ICA1: variants seen among roughly 807,000 people sequenced by gnomAD.
ICA1 encodes the protein islet cell autoantigen 1, also known as 69 kDa islet cell autoantigen.
In ICA1, 40 loss-of-function variants were observed where a neutral mutation model predicts 71.0. That is an observed-to-expected ratio of 0.56 (90% confidence interval 0.44 to 0.73). The LOEUF is 0.73. Ranked by LOEUF, ICA1 falls within the 30% of genes least tolerant of loss-of-function variation. ICA1 has a pLI of 0.00. For synonymous variants in ICA1, 207 were observed against 209.5 expected, an observed-to-expected ratio of 0.99 and a Z score of 0.10; for missense variants, 578 against 576.5, an observed-to-expected ratio of 1.00 and a Z score of -0.03.
intron 6 of ICA1, among the ~76,000 whole-genome samples, chr7:8,196,177 A>T (rs1231549018): frequency 1.3e-5 from 2 of 152,228 alleles, no homozygotes; most frequent in Non-Finnish European, 2.9e-5. Context: ...TTTAGTACTA[A>T]AAGGAAATAA....
At chr7:8,219,025 G>C (rs989013967) in intron 5 of ICA1, 3 of 174,440 alleles carry the variant, frequency 1.7e-5, no homozygotes, top group Admixed American at 1.6e-4. Context: ...AGGGGGACCA[G>C]CACATTTACT....
chr7:8,222,653 G>C lies in ICA1; in HGVS notation c.257-1255C>G, dbSNP rs1477374094. 6.6e-6 allele frequency among the ~76,000 whole-genome samples: 1 copy of C among 152,174 alleles called. No homozygotes were observed. The highest frequency in any genetic ancestry group is 1.5e-5 in the Non-Finnish European group (1 of 68,044). ...ATAGTTTCACCCTAAACATTCCCTT[G>C]GGAAGGCCCAGTCAAGAAGAGGCTT... On this transcript the variant is annotated intron_variant, in intron 4 of 13. Transcript: ENST00000402384. This position sits in a 1 kb window ranked among gnomAD's most constrained non-coding sequence, Gnocchi z 4.8.
chr7:8,256,482 A>G (rs1323252985), intron 1 of ICA1, among the ~76,000 whole-genome samples: 3 of 151,888 alleles, frequency 2.0e-5, no homozygotes, highest in African/African-American at 4.8e-5. Context: ...GATTCTTTCC[A>G]CTTGGAATGC....
intron 13 of ICA1, among the ~76,000 whole-genome samples, chr7:8,115,395 G>T (rs191239530): frequency 6.6e-6 from 1 of 152,148 alleles, no homozygotes; most frequent in African/African-American, 2.4e-5. Flanking sequence ...TACTGATTTC[G>T]CTGGATTAGC....
At position 8,232,734 on chromosome 7, in the gene ICA1, C is replaced by G; in HGVS notation, c.39G>C (p.Gln13His). 1 of 1,601,570 alleles carries G rather than the reference C, an allele frequency of 6.2e-7. No individual in the cohort carries two copies. The highest frequency in any genetic ancestry group is 8.5e-7 in the Non-Finnish European group (1 of 1,174,456). Residue 13 changes from glutamine (Q) to histidine (H), a missense_variant, in exon 3 of 14, where the codon CAG becomes CAC. Physicochemically the swap from Gln to His is conservative, Grantham distance 24 (BLOSUM62 0). Coordinates refer to ENST00000402384, the MANE Select transcript of ICA1 (RefSeq NM_001136020.3). ...GHKCSYPWDL[Q>H]DRYAQDKSVV... is the part of the protein sequence containing the mutation. ...CTGACTTATCTTGAGCATATCGATC[C>G]TGTAAGTCCCAGGGATAACTGCTAA...
chr7:8,124,419 G>A (rs1432723786), intron 13 of ICA1, among the ~76,000 whole-genome samples: 3 of 149,578 alleles, frequency 2.0e-5, no homozygotes, highest in South Asian at 2.1e-4. Context: ...GCGCCCAGCC[G>A]TGTATAGGTA....
chr7:8,246,325 G>A (rs2128506187), intron 1 of ICA1, among the ~76,000 whole-genome samples: 1 of 152,354 alleles, frequency 6.6e-6, no homozygotes, highest in Non-Finnish European at 1.5e-5. Context: ...CAAAGAAGCA[G>A]AGGCCCAAGG....
At chr7:8,205,577 A>T (rs1486350935) in intron 6 of ICA1, among the ~76,000 whole-genome samples, 1 of 152,270 alleles carries the variant, frequency 6.6e-6, no homozygotes, top group African/African-American at 2.4e-5. Flanking sequence ...GTATTAAAAA[A>T]TAAGCTAGTA....
rs748827635 is a variant in ICA1 at position 8,140,049 on chromosome 7, G to A, written c.956-1002C>T. 4.6e-5 allele frequency among the ~76,000 whole-genome samples: 7 copies of A among 152,210 alleles called. 1 individual carries two copies. In the South Asian group the frequency reaches 8.3e-4, roughly 18 times the overall value. On this transcript the variant is annotated intron_variant, in intron 10 of 13. Coordinates refer to ENST00000402384, the MANE Select transcript of ICA1 (RefSeq NM_001136020.3). The stretch of plus-strand genomic sequence containing the variant: ...CAAGCAATTATACTGCACAAGGAAC[G>A]AGAGAAAATTTGATTCCCCTGCATT...
chr7:8,209,117 G>A (rs1000349211), intron 6 of ICA1, among the ~76,000 whole-genome samples: 5 of 152,208 alleles, frequency 3.3e-5, no homozygotes, highest in Non-Finnish European at 5.9e-5. Flanking sequence ...GACCAGATCA[G>A]TTCACACAGA....
At chr7:8,167,144 A>G (rs1008629487) in intron 6 of ICA1, among the ~76,000 whole-genome samples, 1 of 152,238 alleles carries the variant, frequency 6.6e-6, no homozygotes, top group Non-Finnish European at 1.5e-5. Flanking sequence ...AAGGAATGTA[A>G]ATCATTCTAC....
chr7:8,186,400 G>A (rs1400403670), intron 6 of ICA1, among the ~76,000 whole-genome samples: 1 of 152,168 alleles, frequency 6.6e-6, no homozygotes, highest in Non-Finnish European at 1.5e-5. Flanking sequence ...GGGAAGGAGA[G>A]TGGGCTGGGT....
intron 6 of ICA1, among the ~76,000 whole-genome samples, chr7:8,174,454 G>A (rs966465508): frequency 6.6e-6 from 1 of 151,938 alleles, no homozygotes; most frequent in Non-Finnish European, 1.5e-5. Flanking sequence ...TGCATATAAA[G>A]TTGCCCCCCA....
intron 8 of ICA1, among the ~76,000 whole-genome samples, chr7:8,156,144 T>C (rs545526798): frequency 7.6e-4 from 116 of 152,354 alleles, no homozygotes; most frequent in Admixed American, 1.9e-3. Flanking sequence ...TGGGTTCCTC[T>C]TGGAACCTTC....
intron 1 of ICA1, among the ~76,000 whole-genome samples, chr7:8,259,952 T>C (rs1026893658): frequency 6.6e-6 from 1 of 152,172 alleles, no homozygotes; most frequent in African/African-American, 2.4e-5. Context: ...AACATGCAGA[T>C]AGCATCCTTA....
chr7:8,146,882 GCACACACA>G (rs144575495), intron 8 of ICA1, among the ~76,000 whole-genome samples: 101 of 139,452 alleles, frequency 7.2e-4, no homozygotes, highest in African/African-American at 2.5e-3. Context: ...ACACACACAC[GCACACACA>G]CACACACACA....
intron 6 of ICA1, among the ~76,000 whole-genome samples, chr7:8,208,324 G>A (rs927971839): frequency 3.3e-5 from 5 of 152,074 alleles, no homozygotes; most frequent in African/African-American, 1.2e-4. Flanking sequence ...ATTGGCATTC[G>A]GGAAACAGTA....
At chr7:8,175,521 GT>G (rs200940263) in intron 6 of ICA1, among the ~76,000 whole-genome samples, 9 of 145,870 alleles carry the variant, frequency 6.2e-5, no homozygotes, top group Non-Finnish European at 9.0e-5. Context: ...TAAGATAAGG[GT>G]TTTTTTCTTT....
chr7:8,230,652 T>C (rs1799987911), intron 3 of ICA1, among the ~76,000 whole-genome samples: 1 of 152,250 alleles, frequency 6.6e-6, no homozygotes, highest in Non-Finnish European at 1.5e-5. Flanking sequence ...GAATAATGCA[T>C]GTATTTACTA....
Sources: allele counts gnomAD v4.1 joint callset (sites outside exome capture counted in the v4.1 genomes callset), GRCh38; gene constraint gnomAD v4.1.1; non-coding constraint Gnocchi (gnomAD v3.1); transcripts MANE v1.5; gene names NCBI Gene and HGNC (gene_info 2026-07-23, HGNC 2026-07-21).